The following PADI4 variants were observed in gnomAD, a reference collection of about 807,000 sequenced individuals.
The protein encoded by PADI4 is protein-arginine deiminase type-4.
Under a neutral mutation model 75.0 loss-of-function variants are expected in PADI4, and 62 were observed. The ratio of observed to expected loss-of-function variants is 0.83; its 90% CI spans 0.67 to 1.02. The LOEUF is 1.02. Among genes scored for constraint, PADI4 ranks in the 50% least tolerant of loss-of-function variants. The pLI, the probability that PADI4 is intolerant of heterozygous loss-of-function variation, is 0.00. For synonymous variants in PADI4, 361 were observed against 348.1 expected, an observed-to-expected ratio of 1.04 and a Z score of -0.41; for missense variants, 845 against 850.5, an observed-to-expected ratio of 0.99 and a Z score of 0.08.
At chr1:17,338,345 C>T (rs945585618) in intron 5 of PADI4, among the ~76,000 whole-genome samples, 190 bp downstream of exon 5, 4 of 152,178 alleles carry the variant, frequency 2.6e-5, no homozygotes, top group Non-Finnish European at 4.4e-5. Flanking sequence ...GCTCACGCAG[C>T]GGTCAGGGAA....
At chr1:17,338,472 T>C (rs997360187) in intron 5 of PADI4, among the ~76,000 whole-genome samples, 1 of 152,194 alleles carries the variant, frequency 6.6e-6, no homozygotes, top group Non-Finnish European at 1.5e-5. Flanking sequence ...TCCTTCGAAA[T>C]GAAAGCTTTT....
At chr1:17,328,994 TTTA>T (rs1337355773) in intron 1 of PADI4, among the ~76,000 whole-genome samples, 5 of 148,882 alleles carry the variant, frequency 3.4e-5, no homozygotes, top group South Asian at 2.1e-4. Context: ...TTAAGATATT[TTTA>T]TTATGATATT....
rs1050960456 is a variant in PADI4, at chr1:17,350,641, C to T, written c.1155+2593C>T. 1.3e-4 allele frequency among the ~76,000 whole-genome samples: 17 copies of T among 130,658 alleles called. 5 individuals are homozygous for T. The highest frequency in any genetic ancestry group is 2.1e-4 in the Non-Finnish European group (12 of 57,498). 85.7% of individuals were successfully genotyped at this position (130,658 alleles called of 152,430 possible). ...ATGCCTTCATTTGCCTGCAGAAATC[C>T]AAGGCTGAAGGCTGTATAACTGACC... On this transcript the variant is annotated intron_variant, in intron 10 of 15. Coordinates refer to ENST00000375448, the MANE Select transcript of PADI4 (RefSeq NM_012387.3).
chr1:17,341,809 G>T, intron 6 of PADI4, 134 bp from the exon 7 acceptor site: 2 of 648,560 alleles, frequency 3.1e-6, no homozygotes, highest in South Asian at 3.8e-5. Flanking sequence ...GGACTGGCCA[G>T]ATTTGGCTGC....
chr1:17,321,263 G>A (rs756290244), intron 1 of PADI4, among the ~76,000 whole-genome samples: 6 of 152,172 alleles, frequency 3.9e-5, no homozygotes, highest in Non-Finnish European at 5.9e-5. Context: ...ATGGGAAAGT[G>A]GGGGGCAGGT....
chr1:17,362,908 C>T (rs971652640), intron 15 of PADI4, among the ~76,000 whole-genome samples: 2 of 152,114 alleles, frequency 1.3e-5, no homozygotes, highest in Non-Finnish European at 2.9e-5. Flanking sequence ...CTCACTGAAA[C>T]CTCCACTTCC....
intron 1 of PADI4, among the ~76,000 whole-genome samples, chr1:17,313,498 CAAAAAAA>C (rs71014933): frequency 1.3e-4 from 9 of 68,416 alleles, no homozygotes; most frequent in Non-Finnish European, 2.0e-4. Context: ...AAGACCTTGT[CAAAAAAA>C]AAAAAAAAAA....
At chr1:17,331,608 C>T (rs1348027417) in intron 2 of PADI4, among the ~76,000 whole-genome samples, 1 of 140,742 alleles carries the variant, frequency 7.1e-6, no homozygotes, top group Non-Finnish European at 1.6e-5. Context: ...TTTCCTGTGT[C>T]TGGTATAGAA....
chr1:17,339,548 A>G, intron 5 of PADI4, 140 bp from the exon 6 acceptor site: 1 of 808,666 alleles, frequency 1.2e-6, no homozygotes, highest in Non-Finnish European at 2.0e-6. Context: ...AGCATAAAGA[A>G]AAGAAAACCA....
intron 15 of PADI4, among the ~76,000 whole-genome samples, chr1:17,360,670 C>T (rs1249483739): frequency 1.3e-5 from 2 of 152,214 alleles, no homozygotes; most frequent in African/African-American, 2.4e-5. Flanking sequence ...TCCCACGTAG[C>T]ACCTTCCCTG....
At position 17,308,258 on chromosome 1, in the gene PADI4, G is replaced by A; in HGVS notation, c.36G>A (p.Glu12=). 6.2e-7 allele frequency: 1 copy of A among 1,614,144 alleles called. No homozygotes were observed. The highest frequency in any genetic ancestry group is 8.5e-7 in the Non-Finnish European group (1 of 1,180,014). ...GGACATTGATCCGTGTGACCCCAGA[G>A]CAGCCCACCCATGCCGTGTGTGTGC... ...AQGTLIRVTP[E]QPTHAVCVLG... is the part of the protein sequence containing the mutation. The change falls in exon 1 of 16, where the codon GAG becomes GAA. Residue 12 remains glutamate (E), a synonymous_variant. Coordinates refer to ENST00000375448, the MANE Select transcript of PADI4 (RefSeq NM_012387.3).
intron 1 of PADI4, among the ~76,000 whole-genome samples, chr1:17,308,559 G>C (rs1444692264): frequency 6.6e-6 from 1 of 152,114 alleles, no homozygotes; most frequent in Admixed American, 6.5e-5. Flanking sequence ...AATTATTATG[G>C]GGCAAACCAG....
chr1:17,363,683 T>C lies in PADI4; in HGVS notation c.1920T>C (p.His640=), dbSNP rs2074880053. 1.2e-6 allele frequency: 2 copies of C among 1,614,140 alleles called. No homozygotes were observed. The highest frequency in any genetic ancestry group is 1.1e-5 in the South Asian group (1 of 91,090). ...ACTTCTTCACCTACCACATCAGGCATGGGGAGGTGCACTGCGGCACCAACG... is the reference window on the plus strand; with the variant it reads ...ACTTCTTCACCTACCACATCAGGCACGGGGAGGTGCACTGCGGCACCAACG... ...INDFFTYHIR[H]GEVHCGTNVR... Residue 640 remains histidine, a synonymous_variant, in exon 16 of 16, where the codon CAT becomes CAC. Coordinates refer to ENST00000375448, the MANE Select transcript of PADI4 (RefSeq NM_012387.3).
chr1:17,354,425 G>A, intron 10 of PADI4, 108 bp from the exon 11 acceptor site: 2 of 905,854 alleles, frequency 2.2e-6, no homozygotes, highest in Non-Finnish European at 3.7e-6. Flanking sequence ...GCTGTAGACG[G>A]TACTGAGTTA....
At chr1:17,355,253 C>A (rs1171837562) in intron 11 of PADI4, among the ~76,000 whole-genome samples, 1 of 152,152 alleles carries the variant, frequency 6.6e-6, no homozygotes, top group Non-Finnish European at 1.5e-5. Context: ...ATGGCTAGAA[C>A]CTATTGAACA....
At chr1:17,310,465 C>T (rs2073800943) in intron 1 of PADI4, among the ~76,000 whole-genome samples, 1 of 152,188 alleles carries the variant, frequency 6.6e-6, no homozygotes, top group South Asian at 2.1e-4. Context: ...GTGGGAGGGC[C>T]ACTCCCTCCT....
At position 17,363,618 on chromosome 1, in the gene PADI4, C is replaced by T. The variant is rs770586269; in HGVS notation, c.1855C>T (p.Leu619=). Reference sequence around the variant, plus strand: ...CTGCCTGGAGGAGAAGGTGTGTTCCCTGCTGGAGCCACTGGGCCTCCAGTG... The same window carrying T: ...CTGCCTGGAGGAGAAGGTGTGTTCCTTGCTGGAGCCACTGGGCCTCCAGTG... The part of the protein sequence containing the change: ...RCCLEEKVCS[L]LEPLGLQCTF... The change falls in exon 16 of 16, where the codon CTG becomes TTG. Residue 619 remains leucine, a synonymous_variant. Transcript: ENST00000375448. The T allele has an allele frequency of 8.7e-6, 14 of 1,614,186 alleles. No individual in the cohort carries two copies. Among genetic ancestry groups the T allele is most frequent in the Admixed American group, 1.7e-5 (1 of 60,028 alleles).
At chr1:17,324,779 C>T (rs1221536716) in intron 1 of PADI4, among the ~76,000 whole-genome samples, 1 of 152,162 alleles carries the variant, frequency 6.6e-6, no homozygotes, top group Non-Finnish European at 1.5e-5. Flanking sequence ...TCTTTATCTC[C>T]CTCCAGCTGA....
chr1:17,338,194 T>A, intron 5 of PADI4, 39 bp downstream of exon 5: 17 of 1,321,342 alleles, frequency 1.3e-5, no homozygotes, highest in Non-Finnish European at 1.6e-5. Context: ...GGGCTTTTTA[T>A]AAAGCCCTTT....
Sources: allele counts gnomAD v4.1 joint callset (sites outside exome capture counted in the v4.1 genomes callset), GRCh38; gene constraint gnomAD v4.1.1; transcripts MANE v1.5; gene names NCBI Gene and HGNC (gene_info 2026-07-23, HGNC 2026-07-21).